Variants in GIT2 observed in about 807,000 individuals in gnomAD.
GIT2 encodes GIT ArfGAP 2, also known as ARF GTPase-activating protein GIT2.
A neutral mutation model predicts 100.3 loss-of-function variants in GIT2; 32 were observed. That is an observed-to-expected ratio of 0.32 (90% CI 0.24 to 0.43). The LOEUF (loss-of-function observed/expected upper bound fraction) is 0.43. GIT2 is among the 20% of genes least tolerant of loss of function. The pLI, the probability that GIT2 is intolerant of heterozygous loss-of-function variation, is 1.00. For missense variants in GIT2, 737 were observed against 975.1 expected (o/e 0.76, Z 3.25); for synonymous variants, 353 against 364.1 (o/e 0.97, Z 0.35).
chr12:109,981,106 A>G, intron 6 of GIT2, 60 bp from the exon 7 acceptor site: 1 of 1,119,110 alleles, frequency 8.9e-7, no homozygotes, highest in Non-Finnish European at 1.4e-6. Context: ...TTTAAAATGG[A>G]GTACAAAGAC....
Position 109,981,001 on chromosome 12 carries a change from C to G in GIT2, c.669G>C (p.Gln223His). 6.2e-7 allele frequency: 1 copy of G among 1,613,528 alleles called. No homozygotes were observed. The highest frequency in any genetic ancestry group is 8.5e-7 in the Non-Finnish European group (1 of 1,179,408). Residue 223 changes from glutamine (Q) to histidine (H), a missense_variant, in exon 7 of 20, where the codon CAG becomes CAC. By Grantham distance (24) the Gln-to-His change is conservative (BLOSUM62 0). This residue lies in a region of GIT2 where 266 missense variants were observed against 376.2 expected (regional missense o/e 0.71). Transcript: ENST00000355312. Reference sequence around the variant, plus strand: ...AGGCTAGTCTGTCCGTTAGCTCATACTGTATTTCCACGAGGCGCTCTGCCA... The same window carrying G: ...AGGCTAGTCTGTCCGTTAGCTCATAGTGTATTTCCACGAGGCGCTCTGCCA... ...HELAERLVEI[Q>H]YELTDRLAFY...
Position 109,991,684 on chromosome 12 carries a change from G to A in GIT2, c.129C>T (p.Arg43=). Residue 43 remains arginine (R), a synonymous_variant, in exon 2 of 20, where the codon CGC becomes CGT. Coordinates refer to ENST00000355312, the MANE Select transcript of GIT2 (RefSeq NM_057169.5). ...ECCSVHRSLG[R]HISQVRHLKH... is the part of the protein sequence containing the mutation. ...TCAGATGCCTCACTTGGGAGATATGGCGCCCTAGACTCCGATGGACACTGC... is the reference window on the plus strand; with the variant it reads ...TCAGATGCCTCACTTGGGAGATATGACGCCCTAGACTCCGATGGACACTGC... 1.2e-6 allele frequency: 2 copies of A among 1,612,820 alleles called. No homozygotes were observed. The highest frequency in any genetic ancestry group is 1.7e-6 in the Non-Finnish European group (2 of 1,178,786).
intron 4 of GIT2, among the ~76,000 whole-genome samples, chr12:109,985,333 A>G (rs1887143758): frequency 6.6e-6 from 1 of 152,190 alleles, no homozygotes; most frequent in Admixed American, 6.5e-5. Flanking sequence ...AAGTCTTATT[A>G]ATCAATGGAA....
chr12:109,996,634 T>C (rs1428455386), upstream of GIT2, among the ~76,000 whole-genome samples: 1 of 152,250 alleles, frequency 6.6e-6, no homozygotes, highest in African/African-American at 2.4e-5. Context: ...AGTTCATTCA[T>C]TCATTCCTTG....
At chr12:109,955,198 A>G (rs565740910) in intron 12 of GIT2, among the ~76,000 whole-genome samples, 2 of 152,148 alleles carry the variant, frequency 1.3e-5, no homozygotes, top group East Asian at 3.9e-4. Flanking sequence ...ATCTTGGCTC[A>G]CTGCAAACTC....
At chr12:109,949,457 G>A (rs1353777228) in intron 14 of GIT2, among the ~76,000 whole-genome samples, 2 of 152,130 alleles carry the variant, frequency 1.3e-5, no homozygotes, top group African/African-American at 2.4e-5. Context: ...CAAGTTCTTG[G>A]TTTCAATTTT....
Position 109,947,167 on chromosome 12 carries a change from G to A in GIT2, c.1641+89C>T. 1 of 1,305,766 alleles carries A rather than the reference G, an allele frequency of 7.7e-7. No homozygotes were observed. The highest frequency in any genetic ancestry group is 1.1e-6 in the Non-Finnish European group (1 of 936,542). 80.9% of individuals were successfully genotyped at this position (1,305,766 alleles called of 1,614,324 possible). A position where few individuals can be genotyped will look rare whatever the true frequency, so the allele number is the denominator to read the frequency against. ...TCTCTTAGTCCAATTTGGCAAAGCA[G>A]AGCTGTGGGGACCTGTAGGTTCAGA... On this transcript the variant is annotated intron_variant, in intron 15 of 19. Transcript: ENST00000355312. This position sits in a 1 kb window ranked among gnomAD's most constrained non-coding sequence, Gnocchi z 4.3.
intron 7 of GIT2, among the ~76,000 whole-genome samples, chr12:109,971,012 C>G (rs1299277010): frequency 6.6e-6 from 1 of 152,206 alleles, no homozygotes; most frequent in Non-Finnish European, 1.5e-5. Context: ...TCTCAAACTC[C>G]TGGGCTCAAG....
chr12:109,991,706 C>T lies in GIT2; in HGVS notation c.107G>A (p.Ser36Asn). ...ATGGCGCCCTAGACTCCGATGGACA[C>T]TGCAGCACTCATCACATAAAAACGT... is the stretch of plus-strand genomic sequence containing the variant. ...RGTFLCDECC[S>N]VHRSLGRHIS... Residue 36 changes from serine to asparagine, a missense_variant, in exon 2 of 20, where the codon AGT (serine) becomes AAT (asparagine). By Grantham distance (46) the Ser-to-Asn change is conservative. Around this residue, in one of 3 missense-constraint regions of GIT2, gnomAD observed 266 missense variants for 376.2 expected, o/e 0.71. Coordinates refer to ENST00000355312, the MANE Select transcript of GIT2 (RefSeq NM_057169.5). The T allele has an allele frequency of 1.2e-6, 2 of 1,612,828 alleles. No homozygotes were observed. The highest frequency in any genetic ancestry group is 8.5e-7 in the Non-Finnish European group (1 of 1,178,812).
rs757786008 is a variant in GIT2 at position 109,959,931 on chromosome 12, C to T, written c.1015G>A (p.Ala339Thr). ...ATGACCAGCGTGGCAAACTCATGGG[C>T]GTTGAACCGAGCTAACTTCTGTCTG... ...QGRQKLARFNAHEFATLVIDI... is the reference protein window; with the variant it reads ...QGRQKLARFNTHEFATLVIDI... The change falls in exon 12 of 20, where the codon GCC becomes ACC. Residue 339 changes from alanine (A) to threonine (T), a missense_variant. By Grantham distance (58) the Ala-to-Thr change is moderately conservative. Coordinates refer to ENST00000355312, the MANE Select transcript of GIT2 (RefSeq NM_057169.5). The T allele has an allele frequency of 3.7e-6, 6 of 1,613,390 alleles. No homozygotes were observed. Among genetic ancestry groups the T allele is most frequent in the Non-Finnish European group, 4.2e-6 (5 of 1,179,454 alleles).
Position 109,959,919 on chromosome 12 carries a change from C to T in GIT2, c.1027G>A (p.Ala343Thr), listed in dbSNP as rs1358646788. ...CTGAGAATGTCAATGACCAGCGTGG[C>T]AAACTCATGGGCGTTGAACCGAGCT... ...KLARFNAHEF[A>T]TLVIDILSDA... Residue 343 changes from alanine to threonine, a missense_variant, in exon 12 of 20, where the codon GCC becomes ACC. This residue lies in a region of GIT2 where 451 missense variants were observed against 543.7 expected (regional missense o/e 0.83). Coordinates refer to ENST00000355312, the MANE Select transcript of GIT2 (RefSeq NM_057169.5). The T allele has an allele frequency of 1.2e-6, 2 of 1,613,880 alleles. No homozygotes were observed. The highest frequency in any genetic ancestry group is 1.7e-6 in the Non-Finnish European group (2 of 1,179,812).
intron 17 of GIT2, 85 bp downstream of exon 17, chr12:109,939,080 G>A: frequency 2.6e-6 from 2 of 772,970 alleles, no homozygotes; most frequent in South Asian, 1.4e-5. Flanking sequence ...GGGTGTGTGT[G>A]GTGAACTGCT....
In GIT2 at chr12:109,959,911, C is replaced by A. The variant is rs1229039403; in HGVS notation, c.1035G>T (p.Leu345=). 6.2e-7 allele frequency: 1 copy of A among 1,613,878 alleles called. No homozygotes were observed. The highest frequency in any genetic ancestry group is 1.3e-5 in the African/African-American group (1 of 74,910). ...ARFNAHEFAT[L]VIDILSDAKR... is the part of the protein sequence containing the mutation. ...TGGCGTCACTGAGAATGTCAATGAC[C>A]AGCGTGGCAAACTCATGGGCGTTGA... Residue 345 remains leucine (L), a synonymous_variant, in exon 12 of 20, where the codon CTG becomes CTT. Coordinates refer to ENST00000355312, the MANE Select transcript of GIT2 (RefSeq NM_057169.5).
intron 16 of GIT2, among the ~76,000 whole-genome samples, chr12:109,944,302 C>G (rs1236604382): frequency 6.6e-6 from 1 of 152,226 alleles, no homozygotes; most frequent in East Asian, 1.9e-4. Context: ...AGGCCCAGTG[C>G]AAACCCCACC....
At chr12:109,998,220 C>T (rs1028983213), upstream of GIT2, 1 of 152,216 alleles carries the variant, frequency 6.6e-6, no homozygotes, top group Admixed American at 6.5e-5. Context: ...GAGAAATAAT[C>T]ACAGAATTCC....
At chr12:109,982,518 G>A (rs774070744) in intron 6 of GIT2, 1 of 151,776 alleles carries the variant, frequency 6.6e-6, no homozygotes, top group Non-Finnish European at 1.5e-5. Flanking sequence ...AAGTACTTTG[G>A]AAAAAGAAGG....
rs1238505601 is a variant in GIT2 at position 109,948,878 on chromosome 12, T to A, written c.1393-1374A>T. The A allele has an allele frequency of 1.4e-6, 2 of 1,472,234 alleles. No homozygotes were observed. Among genetic ancestry groups the A allele is most frequent in the Admixed American group, 3.6e-5 (2 of 55,316 alleles). The allele number at this position is 1,472,234 out of a possible 1,614,324, so 91.2% of individuals were successfully genotyped here. A position where few individuals can be genotyped will look rare whatever the true frequency, so the allele number is the denominator to read the frequency against. On this transcript the variant is annotated intron_variant, in intron 14 of 19. Coordinates refer to ENST00000355312, the MANE Select transcript of GIT2 (RefSeq NM_057169.5). The surrounding 1 kb of genome is among the most constrained non-coding windows in gnomAD (Gnocchi z 4.3). ...AATGTGAAAGATCAGATACAAATCA[T>A]GCTACTTTGTCAACTTTATGTATAT... is the stretch of plus-strand genomic sequence containing the variant.
chr12:109,958,292 A>G (rs1310401808), intron 12 of GIT2, among the ~76,000 whole-genome samples: 1 of 150,778 alleles, frequency 6.6e-6, no homozygotes, highest in East Asian at 1.9e-4. Flanking sequence ...CTCAGGTTAG[A>G]GTGCAGTGGT....
chr12:109,941,959 G>A (rs1874863292), intron 16 of GIT2, among the ~76,000 whole-genome samples: 1 of 151,880 alleles, frequency 6.6e-6, no homozygotes, highest in South Asian at 2.1e-4. Context: ...TGAGCAGCTG[G>A]GACCACAGGC....
Sources: allele counts gnomAD v4.1 joint callset (sites outside exome capture counted in the v4.1 genomes callset), GRCh38; gene constraint gnomAD v4.1.1; regional missense constraint gnomAD v4.1.1; non-coding constraint Gnocchi (gnomAD v3.1); transcripts MANE v1.5; gene names NCBI Gene and HGNC (gene_info 2026-07-23, HGNC 2026-07-21).